The following XXYLT1 variants were observed in gnomAD, a reference collection of about 807,000 sequenced individuals.
XXYLT1 encodes xyloside xylosyltransferase 1.
XXYLT1 carries 20 observed loss-of-function variants against 28.9 expected under a neutral mutation model. That is an observed-to-expected ratio of 0.69 (90% CI 0.49 to 1.00). The LOEUF (loss-of-function observed/expected upper bound fraction) is 1.00. Ranked by LOEUF, XXYLT1 falls within the 50% of genes least tolerant of loss-of-function variation. The pLI is 0.00. For synonymous variants in XXYLT1, 257 were observed against 253.8 expected (o/e 1.01, Z -0.12); for missense variants, 542 against 560.1 (o/e 0.97, Z 0.33).
chr3:195,074,265 A>C (rs1338472101), intron 3 of XXYLT1, among the ~76,000 whole-genome samples: 1 of 152,218 alleles, frequency 6.6e-6, no homozygotes, highest in Non-Finnish European at 1.5e-5. Flanking sequence ...TGTCAGGCAA[A>C]GAAGGCTCCA....
chr3:195,199,242 T>A (rs1454292840), intron 2 of XXYLT1, among the ~76,000 whole-genome samples: 1 of 152,098 alleles, frequency 6.6e-6, no homozygotes, highest in Non-Finnish European at 1.5e-5. Flanking sequence ...GAGGTTCCCA[T>A]CATTACCCTG....
chr3:195,160,093 A>T (rs1236813138), intron 2 of XXYLT1, among the ~76,000 whole-genome samples: 2 of 145,772 alleles, frequency 1.4e-5, no homozygotes, highest in Non-Finnish European at 3.0e-5. Context: ...AGGAAAAAAA[A>T]ATCCAGAAGA....
chr3:195,087,957 T>C (rs150117020), intron 3 of XXYLT1, among the ~76,000 whole-genome samples: 8,396 of 149,638 alleles, frequency 0.056, 293 homozygotes, highest in Middle Eastern at 0.14. Flanking sequence ...CACTCCCACC[T>C]GAATACTGCG....
At chr3:195,146,577 C>G (rs6794662) in intron 3 of XXYLT1, among the ~76,000 whole-genome samples, 16,572 of 152,246 alleles carry the variant, frequency 0.11, 1,706 homozygotes, top group African/African-American at 0.27. Context: ...AGAGTTTGGT[C>G]TATCCCAAGA....
chr3:195,101,974 AGGGAGGGATGC>A, intron 3 of XXYLT1, among the ~76,000 whole-genome samples: 1 of 1,908 alleles, frequency 5.2e-4, no homozygotes, highest in Non-Finnish European at 1.6e-3. Context: ...GGGACGGGGG[AGGGAGGGATGC>A]GGGGAGGGAG....
intron 2 of XXYLT1, among the ~76,000 whole-genome samples, chr3:195,221,578 T>C (rs1016705667): frequency 2.6e-5 from 4 of 152,162 alleles, no homozygotes; most frequent in Non-Finnish European, 5.9e-5. Context: ...GAGGCCTGCC[T>C]GCCCTGCTCA....
intron 2 of XXYLT1, among the ~76,000 whole-genome samples, chr3:195,170,634 A>G (rs1721360714): frequency 6.6e-6 from 1 of 152,216 alleles, no homozygotes; most frequent in Non-Finnish European, 1.5e-5. Flanking sequence ...CTTGCCAAGT[A>G]CATCTTGGAA....
chr3:195,194,514 C>T (rs1722547017), intron 2 of XXYLT1, among the ~76,000 whole-genome samples: 1 of 152,102 alleles, frequency 6.6e-6, no homozygotes, highest in South Asian at 2.1e-4. Flanking sequence ...CAGTTTCCTA[C>T]AAAGTTAAAC....
intron 2 of XXYLT1, among the ~76,000 whole-genome samples, chr3:195,211,400 G>T (rs1560154367): frequency 6.6e-6 from 1 of 152,152 alleles, no homozygotes; most frequent in Non-Finnish European, 1.5e-5. Context: ...CTCAAAAGAA[G>T]AAAAAGGGCG....
intron 2 of XXYLT1, among the ~76,000 whole-genome samples, chr3:195,188,685 G>A (rs888738230): frequency 6.6e-6 from 1 of 152,344 alleles, no homozygotes; most frequent in South Asian, 2.1e-4. Context: ...GGGCTTGCTT[G>A]TCCTGCATCA....
chr3:195,239,395 A>G (rs959452417), intron 1 of XXYLT1, among the ~76,000 whole-genome samples: 1 of 151,850 alleles, frequency 6.6e-6, no homozygotes, highest in African/African-American at 2.4e-5. Flanking sequence ...AGAAAAGGCC[A>G]CCCCTTCGAC....
At chr3:195,123,997 C>T (rs1440337284) in intron 3 of XXYLT1, among the ~76,000 whole-genome samples, 1 of 152,246 alleles carries the variant, frequency 6.6e-6, no homozygotes, top group East Asian at 1.9e-4. Flanking sequence ...CTCAACAAAG[C>T]TAGACAGGAC....
At chr3:195,099,762 C>T (rs770984405) in intron 3 of XXYLT1, among the ~76,000 whole-genome samples, 41 of 143,928 alleles carry the variant, frequency 2.8e-4, no homozygotes, top group Middle Eastern at 3.7e-3. Flanking sequence ...ACCTGGGAGG[C>T]GGAGCTTGCA....
chr3:195,126,932 C>T (rs1718664345), intron 3 of XXYLT1, among the ~76,000 whole-genome samples: 2 of 152,210 alleles, frequency 1.3e-5, no homozygotes, highest in Non-Finnish European at 2.9e-5. Flanking sequence ...CCGAAAGACT[C>T]TCACAGGGAA....
chr3:195,087,831 T>G (rs928038040), intron 3 of XXYLT1, among the ~76,000 whole-genome samples: 20 of 151,926 alleles, frequency 1.3e-4, no homozygotes, highest in Admixed American at 4.6e-4. Flanking sequence ...GCGCGCACCG[T>G]GCGCGAGCCG....
In XXYLT1 at chr3:195,195,127, A is replaced by G. The variant is rs1266412956; in HGVS notation, c.652+31582T>C. On this transcript the variant is annotated intron_variant, in intron 2 of 3. Coordinates refer to ENST00000310380, the MANE Select transcript of XXYLT1 (RefSeq NM_152531.5). The surrounding 1 kb of genome is among the most constrained non-coding windows in gnomAD (Gnocchi z 4.4). ...ACATAAAAATTCTCTTTAAACCATAAAACAGCAGCTGTTACTACAATGGTT... is the reference window on the plus strand; with the variant it reads ...ACATAAAAATTCTCTTTAAACCATAGAACAGCAGCTGTTACTACAATGGTT... Among the ~76,000 whole-genome samples the G allele has an allele frequency of 1.2e-4, 17 of 146,970 alleles. No individual in the cohort carries two copies. Among genetic ancestry groups the G allele is most frequent in the Admixed American group, 1.1e-3 (17 of 15,012 alleles).
Position 195,078,143 on chromosome 3 carries a change from G to A in XXYLT1, c.786-8032C>T, listed in dbSNP as rs2108643804. On this transcript the variant is annotated intron_variant, in intron 3 of 3. Transcript: ENST00000310380. This position sits in a 1 kb window ranked among gnomAD's most constrained non-coding sequence, Gnocchi z 5.0. Reference sequence around the variant, plus strand: ...AGTGGGTGTGGGGCGGAGGAAAAGGGAATTCCATGTTGAGTCCCAAACAGG... The same window carrying A: ...AGTGGGTGTGGGGCGGAGGAAAAGGAAATTCCATGTTGAGTCCCAAACAGG... Among the ~76,000 whole-genome samples, 1 of 152,240 alleles carries A rather than the reference G, an allele frequency of 6.6e-6. No individual in the cohort carries two copies. Among genetic ancestry groups the A allele is most frequent in the African/African-American group, 2.4e-5 (1 of 41,536 alleles).
intron 3 of XXYLT1, chr3:195,147,032 G>C (rs1430192354): frequency 1.3e-5 from 2 of 153,722 alleles, no homozygotes; most frequent in South Asian, 4.1e-4. Flanking sequence ...CTGAGGGAGA[G>C]GTGAGCCACT....
chr3:195,222,294 C>T (rs923675148), intron 2 of XXYLT1, among the ~76,000 whole-genome samples: 2 of 152,232 alleles, frequency 1.3e-5, no homozygotes, highest in African/African-American at 4.8e-5. Flanking sequence ...GGCCTAACCT[C>T]TCAGCTCCTC....
Sources: gnomAD v4.1 joint callset for allele counts (sites outside exome capture counted in the v4.1 genomes callset) on GRCh38, gnomAD v4.1.1 for gene constraint, Gnocchi (gnomAD v3.1) non-coding constraint, MANE v1.5 for transcripts, NCBI Gene and HGNC (gene_info 2026-07-23, HGNC 2026-07-21) for gene names.